Variants in BCKDHB observed in about 807,000 individuals in gnomAD.
BCKDHB encodes 2-oxoisovalerate dehydrogenase subunit beta, mitochondrial.
Under a neutral mutation model 48.5 loss-of-function variants are expected in BCKDHB, and 41 were observed. The ratio of observed to expected loss-of-function variants is 0.85; its 90% CI spans 0.66 to 1.10. The LOEUF (loss-of-function observed/expected upper bound fraction) is 1.10, where lower values mean the gene tolerates loss of function less well. Ranked by LOEUF, BCKDHB falls within the 50% of genes least tolerant of loss-of-function variation. The probability of loss-of-function intolerance (pLI) is 0.00; values close to 1 mark genes in which losing one functional copy is unlikely to be tolerated. For synonymous variants in BCKDHB, 201 were observed against 174.8 expected, an observed-to-expected ratio of 1.15 and a Z score of -1.18; for missense variants, 496 against 494.2, an observed-to-expected ratio of 1.00 and a Z score of -0.03.
At chr6:80,317,200 A>G (rs999134717) in intron 9 of BCKDHB, among the ~76,000 whole-genome samples, 1 of 152,154 alleles carries the variant, frequency 6.6e-6, no homozygotes, top group South Asian at 2.1e-4. Context: ...TGTGTTTTCT[A>G]TTGCTGCCAA....
At chr6:80,333,936 T>C (rs1769443485) in intron 9 of BCKDHB, among the ~76,000 whole-genome samples, 1 of 152,158 alleles carries the variant, frequency 6.6e-6, no homozygotes, top group Non-Finnish European at 1.5e-5. Flanking sequence ...ATTAGAAATT[T>C]GTCTATACTG....
At position 80,168,911 on chromosome 6, in the gene BCKDHB, G is replaced by T. The variant is rs1234990645; in HGVS notation, c.514G>T (p.Gly172Trp). The T allele has an allele frequency of 1.2e-6, 2 of 1,614,106 alleles. No individual in the cohort carries two copies. The highest frequency in any genetic ancestry group is 3.3e-5 in the Admixed American group (2 of 60,022). Residue 172 changes from glycine (G) to tryptophan (W), a missense_variant, in exon 5 of 10, where the codon GGG (glycine) becomes TGG (tryptophan). Physicochemically the swap from Gly to Trp is radical, Grantham distance 184. Transcript: ENST00000320393. The part of the protein sequence containing the change: ...NEAAKYRYRS[G>W]DLFNCGSLTI... The stretch of plus-strand genomic sequence containing the variant: ...AGCTGCCAAGTATCGCTATCGCTCT[G>T]GGGATCTTTTTAACTGTGGAAGCCT...
intron 1 of BCKDHB, among the ~76,000 whole-genome samples, chr6:80,116,592 C>G (rs1769716272): frequency 6.6e-6 from 1 of 152,180 alleles, no homozygotes; most frequent in Non-Finnish European, 1.5e-5. Context: ...CCTGCATATT[C>G]ATGATTCTTT....
intron 9 of BCKDHB, among the ~76,000 whole-genome samples, chr6:80,324,941 A>G (rs555809556): frequency 6.6e-6 from 1 of 152,340 alleles, no homozygotes; most frequent in South Asian, 2.1e-4. Flanking sequence ...GTACATAGGA[A>G]GATGGGAAAG....
At chr6:80,146,804 C>G (rs978228458) in intron 3 of BCKDHB, among the ~76,000 whole-genome samples, 1 of 152,096 alleles carries the variant, frequency 6.6e-6, no homozygotes, top group Non-Finnish European at 1.5e-5. Context: ...TTCCCTCTAC[C>G]ACCTGGAAGA....
the BCKDHB span, among the ~76,000 whole-genome samples, chr6:80,424,813 T>A: frequency 1.3e-5 from 2 of 152,166 alleles, no homozygotes; most frequent in Non-Finnish European, 2.9e-5. Flanking sequence ...ATTTCTCAGG[T>A]TGACAGGAGG....
chr6:80,378,467 G>A, the BCKDHB span, among the ~76,000 whole-genome samples: 65 of 151,968 alleles, frequency 4.3e-4, 3 homozygotes, highest in South Asian at 9.8e-3. Flanking sequence ...GTGTGTGTGT[G>A]TATATATATA....
At chr6:80,185,273 T>G (rs1250414094) in intron 6 of BCKDHB, among the ~76,000 whole-genome samples, 3 of 152,150 alleles carry the variant, frequency 2.0e-5, no homozygotes, top group Non-Finnish European at 4.4e-5. Context: ...CTTGTGACTG[T>G]TTTTTCTTTA....
the BCKDHB span, among the ~76,000 whole-genome samples, chr6:80,398,807 G>A: frequency 6.6e-6 from 1 of 151,894 alleles, no homozygotes; most frequent in South Asian, 2.1e-4. Flanking sequence ...AAAAACTTCA[G>A]GCAAATATTC....
At chr6:80,195,287 A>G (rs1402745101) in intron 6 of BCKDHB, among the ~76,000 whole-genome samples, 2 of 152,072 alleles carry the variant, frequency 1.3e-5, no homozygotes, top group Non-Finnish European at 1.5e-5. Flanking sequence ...GGAGGAAAAG[A>G]TTGGGTACAA....
intron 9 of BCKDHB, among the ~76,000 whole-genome samples, chr6:80,320,406 CCTTT>C (rs1768661470): frequency 1.3e-5 from 2 of 152,082 alleles, no homozygotes; most frequent in Non-Finnish European, 2.9e-5. Flanking sequence ...CCTTTTATGT[CCTTT>C]CTCTTTTTTC....
intron 3 of BCKDHB, among the ~76,000 whole-genome samples, chr6:80,164,362 C>T (rs1772471679): frequency 6.6e-6 from 1 of 152,142 alleles, no homozygotes; most frequent in African/African-American, 2.4e-5. Flanking sequence ...TATTTATTCT[C>T]TCAGATATAT....
At chr6:80,457,255 A>G in the BCKDHB span, among the ~76,000 whole-genome samples, 1 of 152,162 alleles carries the variant, frequency 6.6e-6, no homozygotes, top group South Asian at 2.1e-4. Context: ...TAGGACTTTC[A>G]ATGGTCAGCC....
At chr6:80,175,102 C>T (rs1257499576) in intron 6 of BCKDHB, among the ~76,000 whole-genome samples, 1 of 152,168 alleles carries the variant, frequency 6.6e-6, no homozygotes, top group African/African-American at 2.4e-5. Flanking sequence ...CGGGCCTCTT[C>T]TCTCTGGTTA....
chr6:80,127,534 T>C lies in BCKDHB; in HGVS notation c.197-13T>C. On this transcript the variant is annotated splice_polypyrimidine_tract_variant and intron_variant, in intron 1 of 9. Coordinates refer to ENST00000320393, the MANE Select transcript of BCKDHB (RefSeq NM_183050.4). Reference sequence around the variant, plus strand: ...TACAACACACGAAATGATTTTTTTTTTGATTTTCACAGGGCAAACTCAGAA... The same window carrying C: ...TACAACACACGAAATGATTTTTTTTCTGATTTTCACAGGGCAAACTCAGAA... The C allele has an allele frequency of 6.2e-7, 1 of 1,606,768 alleles. No homozygotes were observed. The highest frequency in any genetic ancestry group is 8.5e-7 in the Non-Finnish European group (1 of 1,173,900).
intron 1 of BCKDHB, among the ~76,000 whole-genome samples, chr6:80,122,152 G>A (rs907298643): frequency 2.0e-5 from 3 of 152,216 alleles, no homozygotes; most frequent in African/African-American, 4.8e-5. Flanking sequence ...GATGGATTAC[G>A]TTTATTGATT....
In BCKDHB at chr6:80,128,872, CTGTG is replaced by C. The variant is rs60116640; in HGVS notation, c.275-256_275-253del. Among the ~76,000 whole-genome samples, 58,967 of 147,238 alleles carry C rather than the reference CTGTG, an allele frequency of 0.4. 12,214 individuals are homozygous for C. Among genetic ancestry groups the C allele is most frequent in the Admixed American group, 0.58 (8,473 of 14,686 alleles). On this transcript the variant is annotated intron_variant, in intron 2 of 9. Transcript: ENST00000320393. ...GTGAAGACACTTTTTGTTGTCTCAA[CTGTG>C]TGTGTGTGTGTGTGTGTGTGTGTGT...
chr6:80,123,268 G>A (rs1030664111), intron 1 of BCKDHB, among the ~76,000 whole-genome samples: 2 of 152,116 alleles, frequency 1.3e-5, no homozygotes, highest in Non-Finnish European at 2.9e-5. Flanking sequence ...TATCACAGTG[G>A]TCCTGAGGTG....
rs896908162 is a variant in BCKDHB at position 80,346,112 on chromosome 6, C to A, written c.*2308C>A. The A allele has an allele frequency of 6.6e-6, 1 of 152,046 alleles. No homozygotes were observed. Among genetic ancestry groups the A allele is most frequent in the African/African-American group, 2.4e-5 (1 of 41,422 alleles). 9.4% of individuals were successfully genotyped at this position (152,046 alleles called of 1,614,324 possible). On this transcript the variant is annotated 3_prime_UTR_variant, in exon 10 of 10. Coordinates refer to ENST00000320393, the MANE Select transcript of BCKDHB (RefSeq NM_183050.4). The stretch of plus-strand genomic sequence containing the variant: ...GATATTGGCTGAAAAGTTCTACATT[C>A]TATTATTGTATTGTAACACACATGT...
Sources: gnomAD v4.1 joint callset for allele counts (sites outside exome capture counted in the v4.1 genomes callset) on GRCh38, gnomAD v4.1.1 for gene constraint, MANE v1.5 for transcripts, NCBI Gene and HGNC (gene_info 2026-07-23, HGNC 2026-07-21) for gene names.